The following NUP93 variants were observed in gnomAD, a reference collection of about 807,000 sequenced individuals.
NUP93 encodes nuclear pore complex protein Nup93.
Under a neutral mutation model 107.8 loss-of-function variants are expected in NUP93, and 55 were observed. That is an observed-to-expected ratio of 0.51 (90% CI 0.41 to 0.64). The LOEUF (loss-of-function observed/expected upper bound fraction) is 0.64, where lower values mean the gene tolerates loss of function less well. NUP93 is among the 30% of genes least tolerant of loss of function. The pLI is 0.00. For synonymous variants in NUP93, 390 were observed against 397.5 expected (o/e 0.98, Z 0.22); for missense variants, 937 against 1,044.7 (o/e 0.90, Z 1.42).
chr16:56,773,385 C>T (rs1010176022), intron 3 of NUP93, among the ~76,000 whole-genome samples: 1 of 152,182 alleles, frequency 6.6e-6, no homozygotes, highest in Non-Finnish European at 1.5e-5. Flanking sequence ...GAGCAACAAA[C>T]GCATTGCAGA....
chr16:56,750,644 G>A (rs1372531575), intron 2 of NUP93, among the ~76,000 whole-genome samples: 4 of 152,198 alleles, frequency 2.6e-5, no homozygotes, highest in South Asian at 2.1e-4. Context: ...CAGCCCATGA[G>A]CCACATACAG....
At chr16:56,730,879 G>A (rs1184696586) in intron 1 of NUP93, among the ~76,000 whole-genome samples, 1 of 152,212 alleles carries the variant, frequency 6.6e-6, no homozygotes, top group East Asian at 1.9e-4. Context: ...CGTTGACAGA[G>A]CCTCTGGTCT....
intron 3 of NUP93, among the ~76,000 whole-genome samples, chr16:56,766,446 T>C (rs1962218058): frequency 6.6e-6 from 1 of 152,222 alleles, no homozygotes; most frequent in Non-Finnish European, 1.5e-5. Flanking sequence ...ATTGACATCT[T>C]CAGTCTGGCA....
At chr16:56,826,616 A>C (rs1281550751) in intron 8 of NUP93, among the ~76,000 whole-genome samples, 1 of 152,158 alleles carries the variant, frequency 6.6e-6, no homozygotes, top group Non-Finnish European at 1.5e-5. Context: ...CTTATTATAG[A>C]AACTTTGGAA....
chr16:56,823,767 A>G lies in NUP93; in HGVS notation c.715A>G (p.Thr239Ala), dbSNP rs371279811. Reference protein sequence around the residue: ...QMTDVLLTPATDALKNRSSVE... With the variant: ...QMTDVLLTPAADALKNRSSVE... Reference sequence around the variant, plus strand: ...GACAGACGTGTTGTTGACACCGGCAACGGATGCCCTGAAGAACCGCAGCAG... The same window carrying G: ...GACAGACGTGTTGTTGACACCGGCAGCGGATGCCCTGAAGAACCGCAGCAG... Residue 239 changes from threonine (T) to alanine (A), a missense_variant, in exon 8 of 22, where the codon ACG becomes GCG. Physicochemically the swap from Thr to Ala is moderately conservative, Grantham distance 58. Coordinates refer to ENST00000308159, the MANE Select transcript of NUP93 (RefSeq NM_014669.5). 2.5e-6 allele frequency: 4 copies of G among 1,614,234 alleles called. No individual in the cohort carries two copies. In the African/African-American group the frequency reaches 5.3e-5, roughly 22 times the overall value.
Position 56,821,658 on chromosome 16 carries a change from C to T in NUP93, c.654+65C>T, listed in dbSNP as rs1252971695. 7 of 1,038,368 alleles carry T rather than the reference C, an allele frequency of 6.7e-6. No individual in the cohort carries two copies. The African/African-American group carries it at 1.1e-4, about 17-fold the overall frequency. The allele number at this position is 1,038,368 out of a possible 1,614,324, so 64.3% of individuals were successfully genotyped here. On this transcript the variant is annotated intron_variant, in intron 7 of 21. Coordinates refer to ENST00000308159, the MANE Select transcript of NUP93 (RefSeq NM_014669.5). ...GTGTTCCGATGGGCCTAGCAACTTG[C>T]CGATTTGGTTGAAATGTGCTGCGGA... is the stretch of plus-strand genomic sequence containing the variant.
rs749910134 is a variant in NUP93 at position 56,748,275 on chromosome 16, C to T, written c.28C>T (p.Leu10Phe). The change falls in exon 2 of 22, where the codon CTT becomes TTT. Residue 10 changes from leucine (L) to phenylalanine (F), a missense_variant. Transcript: ENST00000308159. MDTEGFGEL[L>F]QQAEQLAAET... ...GGATACTGAGGGGTTTGGTGAGCTC[C>T]TTCAGCAAGCTGAACAGCTTGCTGC... 6.2e-7 allele frequency: 1 copy of T among 1,613,252 alleles called. No homozygotes were observed. Among genetic ancestry groups the T allele is most frequent in the Non-Finnish European group, 8.5e-7 (1 of 1,179,480 alleles).
chr16:56,804,678 G>A (rs1963094257), intron 4 of NUP93, among the ~76,000 whole-genome samples: 1 of 152,132 alleles, frequency 6.6e-6, no homozygotes, highest in Non-Finnish European at 1.5e-5. Context: ...GGAGGCCGAG[G>A]TGGGCAGATC....
At chr16:56,827,922 C>G (rs976802869) in intron 8 of NUP93, among the ~76,000 whole-genome samples, 1 of 152,124 alleles carries the variant, frequency 6.6e-6, no homozygotes, top group African/African-American at 2.4e-5. Flanking sequence ...GAGTTCGAGA[C>G]CAGCCTGGCC....
intron 2 of NUP93, among the ~76,000 whole-genome samples, chr16:56,749,113 C>T (rs768545015): frequency 6.6e-6 from 1 of 152,148 alleles, no homozygotes; most frequent in Non-Finnish European, 1.5e-5. Flanking sequence ...CACGCTGTGC[C>T]AGGTCTGGAC....
intron 8 of NUP93, among the ~76,000 whole-genome samples, chr16:56,824,677 G>A (rs186858321): frequency 1.0e-3 from 158 of 152,274 alleles, no homozygotes; most frequent in African/African-American, 3.6e-3. Flanking sequence ...TCAATAAAAC[G>A]ATACTTCATT....
intron 3 of NUP93, chr16:56,783,787 G>GAA (rs1452416535): frequency 2.0e-6 from 2 of 985,240 alleles, no homozygotes; most frequent in African/African-American, 3.5e-5. Flanking sequence ...GTAAAACTAA[G>GAA]AAAATGAATT....
At chr16:56,765,234 T>TATTCC (rs1235660872) in intron 3 of NUP93, among the ~76,000 whole-genome samples, 1 of 152,256 alleles carries the variant, frequency 6.6e-6, no homozygotes, top group Admixed American at 6.5e-5. Context: ...TATAAGAGAC[T>TATTCC]ATTCCATGGA....
At chr16:56,826,741 T>C (rs1208424988) in intron 8 of NUP93, among the ~76,000 whole-genome samples, 1 of 152,010 alleles carries the variant, frequency 6.6e-6, no homozygotes, top group Non-Finnish European at 1.5e-5. Flanking sequence ...TTTTTTTTCA[T>C]AACTGCATAA....
chr16:56,777,048 G>T (rs950972709), intron 3 of NUP93, among the ~76,000 whole-genome samples: 1 of 152,182 alleles, frequency 6.6e-6, no homozygotes, highest in Non-Finnish European at 1.5e-5. Context: ...GCACGTGTGT[G>T]TGTGTGACAG....
At chr16:56,756,364 A>G (rs550774187) in intron 2 of NUP93, among the ~76,000 whole-genome samples, 2 of 122,484 alleles carry the variant, frequency 1.6e-5, no homozygotes, top group Admixed American at 1.1e-4. Context: ...TCTCTGTTCA[A>G]CTCGCACTTA....
At chr16:56,836,932 G>A (rs1371019900) in intron 17 of NUP93, among the ~76,000 whole-genome samples, 1 of 152,216 alleles carries the variant, frequency 6.6e-6, no homozygotes, top group Non-Finnish European at 1.5e-5. Context: ...ACAACATATT[G>A]AAAGGATGTC....
rs763007336 is a variant in NUP93, at chr16:56,758,640, G to A, written c.282G>A (p.Lys94=). 1.9e-5 allele frequency: 30 copies of A among 1,613,220 alleles called. No individual in the cohort carries two copies. The highest frequency in any genetic ancestry group is 3.3e-5 in the Admixed American group (2 of 59,966). Residue 94 remains lysine, a synonymous_variant, in exon 3 of 22, where the codon AAG becomes AAA. Transcript: ENST00000308159. The part of the protein sequence containing the change: ...ATTFEPLEPV[K]DTDIQGFLKN... Reference sequence around the variant, plus strand: ...CCTTTGAGCCTCTTGAGCCTGTGAAGGACACTGACATTCAGGTAAGGGCTG... The same window carrying A: ...CCTTTGAGCCTCTTGAGCCTGTGAAAGACACTGACATTCAGGTAAGGGCTG...
At position 56,848,093 on chromosome 16, in the gene NUP93, A is replaced by G. The variant is rs755844510; in HGVS notation, c.*3484A>G. On this transcript the variant is annotated 3_prime_UTR_variant, in exon 22 of 22. Coordinates refer to ENST00000308159, the MANE Select transcript of NUP93 (RefSeq NM_014669.5). ...CCTTCCTGCTTTAGACTGGATCTCT[A>G]CTATCCTTTTTCTCTACTAGGCACC... 3.3e-5 allele frequency: 5 copies of G among 152,168 alleles called. No homozygotes were observed. The highest frequency in any genetic ancestry group is 1.2e-4 in the African/African-American group (5 of 41,442). The allele number at this position is 152,168 out of a possible 1,614,324, so 9.4% of individuals were successfully genotyped here.
Sources: gnomAD v4.1 joint callset for allele counts (sites outside exome capture counted in the v4.1 genomes callset) on GRCh38, gnomAD v4.1.1 for gene constraint, MANE v1.5 for transcripts, NCBI Gene and HGNC (gene_info 2026-07-23, HGNC 2026-07-21) for gene names.